The following FECH variants were observed in gnomAD, a reference collection of about 807,000 sequenced individuals.
FECH encodes the protein ferrochelatase, mitochondrial.
FECH carries 40 observed loss-of-function variants against 56.9 expected under a neutral mutation model. The observed-to-expected ratio is 0.70, with a 90% CI of 0.55 to 0.92. The LOEUF (loss-of-function observed/expected upper bound fraction) is 0.92. FECH is among the 40% of genes least tolerant of loss of function. The pLI, the probability that FECH is intolerant of heterozygous loss-of-function variation, is 0.00. For synonymous variants in FECH, 175 were observed against 198.6 expected, an observed-to-expected ratio of 0.88 and a Z score of 1.00; for missense variants, 431 against 529.1, an observed-to-expected ratio of 0.81 and a Z score of 1.82.
intron 6 of FECH, among the ~76,000 whole-genome samples, chr18:57,561,774 C>T (rs561005534): frequency 9.7e-4 from 148 of 152,252 alleles, no homozygotes; most frequent in Admixed American, 1.6e-3. Flanking sequence ...GACCTGAAAC[C>T]CCCCTCCTTT....
chr18:57,577,460 G>A (rs1482260156), intron 2 of FECH, among the ~76,000 whole-genome samples: 2 of 152,118 alleles, frequency 1.3e-5, no homozygotes, highest in Non-Finnish European at 2.9e-5. Flanking sequence ...CTCTAGTATT[G>A]CAGTCTAGTC....
chr18:57,560,045 TA>T (rs1017606401), intron 6 of FECH, among the ~76,000 whole-genome samples: 16 of 152,260 alleles, frequency 1.1e-4, no homozygotes, highest in African/African-American at 3.8e-4. Context: ...ATTTAGCTTA[TA>T]AAAAAATGCT....
At chr18:57,560,509 G>C (rs906882963) in intron 6 of FECH, among the ~76,000 whole-genome samples, 1 of 152,162 alleles carries the variant, frequency 6.6e-6, no homozygotes, top group Non-Finnish European at 1.5e-5. Context: ...AAATTAGCAG[G>C]GTGTGATGGC....
chr18:57,553,216 C>T (rs1029822656), intron 9 of FECH, among the ~76,000 whole-genome samples: 1 of 152,222 alleles, frequency 6.6e-6, no homozygotes, highest in African/African-American at 2.4e-5. Context: ...AATCCATAGA[C>T]AATGCTGCAA....
At chr18:57,555,697 G>A (rs1555679547) in intron 7 of FECH, among the ~76,000 whole-genome samples, 1 of 152,062 alleles carries the variant, frequency 6.6e-6, no homozygotes, top group Non-Finnish European at 1.5e-5. Context: ...ATTTTCATAT[G>A]TATTATGTTT....
chr18:57,574,482 G>A lies in FECH; in HGVS notation c.195-1117C>T, dbSNP rs78192898. Among the ~76,000 whole-genome samples, 1,464 of 152,318 alleles carry A rather than the reference G, an allele frequency of 9.6e-3. 28 individuals are homozygous for A. The highest frequency in any genetic ancestry group is 0.034 in the African/African-American group (1,403 of 41,572). ...ACAGAATCAACCCCTGAATAAGCAG[G>A]AAGAAGCAAAAAGAAAGCAGAGCTC... On this transcript the variant is annotated intron_variant, in intron 2 of 10. Coordinates refer to ENST00000262093, the MANE Select transcript of FECH (RefSeq NM_000140.5).
At position 57,550,709 on chromosome 18, in the gene FECH, G is replaced by C. The variant is rs781276142; in HGVS notation, c.*3C>G. ...CTAACGCCACGGGGTCCACCGGCGG[G>C]GGTCACAGCTGCTGGCTGGTGAAGA... On this transcript the variant is annotated 3_prime_UTR_variant, in exon 11 of 11. Transcript: ENST00000262093. 15 of 1,613,936 alleles carry C rather than the reference G, an allele frequency of 9.3e-6. No homozygotes were observed. The highest frequency in any genetic ancestry group is 1.3e-5 in the African/African-American group (1 of 74,934).
rs570856631 is a variant in FECH at position 57,564,023 on chromosome 18, T to C, written c.599-1043A>G. ...CCTCCCAAGTAGCTGGGATTACAGG[T>C]ATATGCCACTACGCCTGGCTAATTT... On this transcript the variant is annotated intron_variant, in intron 5 of 10. Coordinates refer to ENST00000262093, the MANE Select transcript of FECH (RefSeq NM_000140.5). Among the ~76,000 whole-genome samples the C allele has an allele frequency of 2.0e-5, 3 of 152,170 alleles. No homozygotes were observed. In the East Asian group the frequency reaches 5.8e-4, roughly 29 times the overall value.
At chr18:57,581,000 C>T (rs899465604) in intron 1 of FECH, among the ~76,000 whole-genome samples, 3 of 152,176 alleles carry the variant, frequency 2.0e-5, no homozygotes, top group African/African-American at 7.2e-5. Context: ...TGGAACTGGG[C>T]ATGAAGACCA....
In FECH at chr18:57,551,313, A is replaced by C; in HGVS notation, c.1137+2T>G. On this transcript the variant is annotated splice_donor_variant, in intron 10 of 10. Transcript: ENST00000262093. LOFTEE classifies it high-confidence loss of function. ...CTAAAACGATTGTAACACTGTAGAT[A>C]CCTTAGAGAACAATGGATTTCCATT... The C allele has an allele frequency of 1.9e-6, 3 of 1,604,444 alleles. No individual in the cohort carries two copies. The highest frequency in any genetic ancestry group is 2.6e-6 in the Non-Finnish European group (3 of 1,171,316).
In FECH at chr18:57,547,911, C is replaced by G. The variant is rs1026447502; in HGVS notation, c.*2801G>C. 6.6e-5 allele frequency among the ~76,000 whole-genome samples: 10 copies of G among 152,120 alleles called. No individual in the cohort carries two copies. The highest frequency in any genetic ancestry group is 2.4e-4 in the African/African-American group (10 of 41,406). The stretch of plus-strand genomic sequence containing the variant: ...TTGGCCTTCCAAAGTATTGGAATTA[C>G]ACATGTAAGGCACGGCACCCAGCCT... On this transcript the variant is annotated 3_prime_UTR_variant, in exon 11 of 11. Transcript: ENST00000262093.
Position 57,554,447 on chromosome 18 carries a change from C to A in FECH, c.913-23G>T, listed in dbSNP as rs142832225. On this transcript the variant is annotated intron_variant, in intron 8 of 10. Coordinates refer to ENST00000262093, the MANE Select transcript of FECH (RefSeq NM_000140.5). ...AACCTATGCGAAAGATAGACGAATG[C>A]GTAAGTGGACTATGCCTCCTGACGG... 160 of 1,613,886 alleles carry A rather than the reference C, an allele frequency of 9.9e-5. No individual in the cohort carries two copies. In the African/African-American group the frequency reaches 1.5e-3, roughly 15 times the overall value.
Position 57,546,918 on chromosome 18 carries a change from C to T in FECH, c.*3794G>A, listed in dbSNP as rs570110431. Among the ~76,000 whole-genome samples the T allele has an allele frequency of 6.6e-6, 1 of 150,938 alleles. No homozygotes were observed. Among genetic ancestry groups the T allele is most frequent in the African/African-American group, 2.4e-5 (1 of 40,916 alleles). ...GAGGTTGCAGTGAGCCGAGATCGTG[C>T]CACTGTACTCCAGCTTGGGCAACAG... On this transcript the variant is annotated 3_prime_UTR_variant, in exon 11 of 11. Coordinates refer to ENST00000262093, the MANE Select transcript of FECH (RefSeq NM_000140.5).
At position 57,573,211 on chromosome 18, in the gene FECH, C is replaced by A. The variant is rs762282946; in HGVS notation, c.314+35G>T. 5.6e-5 allele frequency: 90 copies of A among 1,604,032 alleles called. 4 individuals are homozygous for A. In the Middle Eastern group the frequency reaches 9.9e-3, roughly 176 times the overall value. ...TGAGAGACACATGTCAATGTAGTGCCAAGGTTATAATTGAGGTGTTTATAT... is the reference window on the plus strand; with the variant it reads ...TGAGAGACACATGTCAATGTAGTGCAAAGGTTATAATTGAGGTGTTTATAT... On this transcript the variant is annotated intron_variant, in intron 3 of 10. Transcript: ENST00000262093.
In FECH at chr18:57,571,417, C is replaced by T. The variant is rs758892773; in HGVS notation, c.438G>A (p.Leu146=). The T allele has an allele frequency of 6.2e-7, 1 of 1,614,046 alleles. No individual in the cohort carries two copies. Among genetic ancestry groups the T allele is most frequent in the South Asian group, 1.1e-5 (1 of 91,082 alleles). Residue 146 remains leucine (L), a synonymous_variant, in exon 4 of 11, where the codon CTG becomes CTA. Coordinates refer to ENST00000262093, the MANE Select transcript of FECH (RefSeq NM_000140.5). ...TSKQGEGMVK[L]LDELSPNTAP... Reference sequence around the variant, plus strand: ...CTGTGTTGGGGGACAATTCATCCAGCAGCTTCACCATGCCCTCTCCCTGCT... The same window carrying T: ...CTGTGTTGGGGGACAATTCATCCAGTAGCTTCACCATGCCCTCTCCCTGCT...
At position 57,550,164 on chromosome 18, in the gene FECH, C is replaced by T. The variant is rs1251758590; in HGVS notation, c.*548G>A. The T allele has an allele frequency of 6.5e-6, 1 of 153,676 alleles. No homozygotes were observed. Among genetic ancestry groups the T allele is most frequent in the Admixed American group, 6.4e-5 (1 of 15,526 alleles). The allele number at this position is 153,676 out of a possible 1,614,324, so 9.5% of individuals were successfully genotyped here. ...ACCAAGATGACCAATGAATGGTGGCCTCGCTGGCAAAAGCAGCCATTGCAG... is the reference window on the plus strand; with the variant it reads ...ACCAAGATGACCAATGAATGGTGGCTTCGCTGGCAAAAGCAGCCATTGCAG... On this transcript the variant is annotated 3_prime_UTR_variant, in exon 11 of 11. Coordinates refer to ENST00000262093, the MANE Select transcript of FECH (RefSeq NM_000140.5).
intron 5 of FECH, among the ~76,000 whole-genome samples, chr18:57,565,029 C>G (rs1027085758): frequency 1.3e-5 from 2 of 152,208 alleles, no homozygotes; most frequent in Non-Finnish European, 2.9e-5. Flanking sequence ...ATGTACCTGT[C>G]CTTACATGAG....
At position 57,544,949 on chromosome 18, in the gene FECH, G is replaced by A. The variant is rs1261105204; in HGVS notation, c.*5763C>T. Among the ~76,000 whole-genome samples the A allele has an allele frequency of 1.3e-5, 2 of 152,170 alleles. No individual in the cohort carries two copies. Among genetic ancestry groups the A allele is most frequent in the Non-Finnish European group, 2.9e-5 (2 of 68,028 alleles). Reference sequence around the variant, plus strand: ...TGGTTCACAAGCCAACATGCCATGTGCCTGTGCAATCAATTCCATGCCATA... The same window carrying A: ...TGGTTCACAAGCCAACATGCCATGTACCTGTGCAATCAATTCCATGCCATA... On this transcript the variant is annotated 3_prime_UTR_variant, in exon 11 of 11. Coordinates refer to ENST00000262093, the MANE Select transcript of FECH (RefSeq NM_000140.5).
chr18:57,579,926 G>T, intron 2 of FECH, 147 bp downstream of exon 2: 1 of 1,046,424 alleles, frequency 9.6e-7, no homozygotes, highest in Non-Finnish European at 1.5e-6. Context: ...TAAAATCTAT[G>T]GTTTAACAGC....
Sources: gnomAD v4.1 joint callset for allele counts (sites outside exome capture counted in the v4.1 genomes callset) on GRCh38, gnomAD v4.1.1 for gene constraint, MANE v1.5 for transcripts, NCBI Gene and HGNC (gene_info 2026-07-23, HGNC 2026-07-21) for gene names.